SHISA6: variants seen among roughly 807,000 people sequenced by gnomAD.
The protein encoded by SHISA6 is shisa family member 6.
A neutral mutation model predicts 47.9 loss-of-function variants in SHISA6; 22 were observed. That is an observed-to-expected ratio of 0.46 (90% CI 0.33 to 0.66). The LOEUF (loss-of-function observed/expected upper bound fraction) is 0.66, where lower values mean the gene tolerates loss of function less well. Among genes scored for constraint, SHISA6 ranks in the 30% least tolerant of loss-of-function variants. The pLI, the probability that SHISA6 is intolerant of heterozygous loss-of-function variation, is 0.02. For missense variants in SHISA6, 680 were observed against 764.6 expected, an observed-to-expected ratio of 0.89 and a Z score of 1.30; for synonymous variants, 388 against 337.8, an observed-to-expected ratio of 1.15 and a Z score of -1.63.
intron 3 of SHISA6, among the ~76,000 whole-genome samples, chr17:11,492,246 G>T (rs893306603): frequency 1.3e-5 from 2 of 152,092 alleles, no homozygotes; most frequent in African/African-American, 4.8e-5. Flanking sequence ...GAGGGTACAG[G>T]CTCCAAAATA....
chr17:11,297,660 T>C (rs1467737419), intron 2 of SHISA6, among the ~76,000 whole-genome samples: 2 of 152,180 alleles, frequency 1.3e-5, no homozygotes, highest in African/African-American at 2.4e-5. Context: ...CAATACAGCC[T>C]TTGTTCTTAG....
intron 3 of SHISA6, among the ~76,000 whole-genome samples, chr17:11,420,352 C>G (rs1345635482): frequency 2.6e-5 from 4 of 152,132 alleles, no homozygotes; most frequent in Non-Finnish European, 5.9e-5. Context: ...AAAGCATTCC[C>G]ACATGGTTAT....
chr17:11,295,709 A>G (rs1909727838), intron 2 of SHISA6, among the ~76,000 whole-genome samples: 1 of 152,114 alleles, frequency 6.6e-6, no homozygotes, highest in Non-Finnish European at 1.5e-5. Flanking sequence ...CATGCCTGTA[A>G]TCCCAGCACT....
intron 1 of SHISA6, among the ~76,000 whole-genome samples, chr17:11,251,161 C>T (rs1907787511): frequency 6.6e-6 from 1 of 152,048 alleles, no homozygotes; most frequent in Admixed American, 6.5e-5. Context: ...GTCAGTGATA[C>T]TCAGATTACT....
chr17:11,301,675 AACGT>A (rs1293258658), intron 2 of SHISA6, among the ~76,000 whole-genome samples: 3 of 152,144 alleles, frequency 2.0e-5, no homozygotes, highest in Admixed American at 6.5e-5. Context: ...ATTTCCTATG[AACGT>A]TCCTGCAATC....
intron 3 of SHISA6, among the ~76,000 whole-genome samples, chr17:11,452,903 C>G (rs1915442307): frequency 1.3e-5 from 2 of 151,234 alleles, no homozygotes; most frequent in South Asian, 4.2e-4. Flanking sequence ...TCCTCCTCTA[C>G]TTTATCTTCT....
At chr17:11,440,073 A>G (rs577526857) in intron 3 of SHISA6, among the ~76,000 whole-genome samples, 30 of 152,306 alleles carry the variant, frequency 2.0e-4, no homozygotes, top group Non-Finnish European at 4.1e-4. Flanking sequence ...CAATTCATTC[A>G]TTCATTCACT....
At chr17:11,501,327 G>T (rs2071451326) in intron 3 of SHISA6, among the ~76,000 whole-genome samples, 1 of 152,050 alleles carries the variant, frequency 6.6e-6, no homozygotes. Context: ...GGTCAGGCTG[G>T]TCACGAACTC....
Position 11,379,449 on chromosome 17 carries a change from C to A in SHISA6, c.835C>A (p.Pro279Thr). 2 of 1,541,768 alleles carry A rather than the reference C, an allele frequency of 1.3e-6. No individual in the cohort carries two copies. Among genetic ancestry groups the A allele is most frequent in the Non-Finnish European group, 1.8e-6 (2 of 1,142,818 alleles). ...GAAGGATGCTTACCGAAGTGGAGGA[C>A]CTGATCTCCATAACTTCATCTCATC... ...YGKDAYRSGG[P>T]DLHNFISSGF... The change falls in exon 3 of 6, where the codon CCT (proline) becomes ACT (threonine). Residue 279 changes from proline (P) to threonine (T), a missense_variant. Transcript: ENST00000441885.
intron 3 of SHISA6, among the ~76,000 whole-genome samples, chr17:11,409,314 G>T (rs542994333): frequency 1.3e-5 from 2 of 152,232 alleles, no homozygotes; most frequent in South Asian, 4.2e-4. Flanking sequence ...CCAAAATTGG[G>T]GTATGGACTC....
intron 3 of SHISA6, among the ~76,000 whole-genome samples, chr17:11,388,243 C>T (rs1184597639): frequency 6.6e-6 from 1 of 152,224 alleles, no homozygotes; most frequent in African/African-American, 2.4e-5. Context: ...ACTCAGAAGG[C>T]GTCGAGTCTC....
intron 2 of SHISA6, 56 bp downstream of exon 2, chr17:11,263,582 A>G (rs1018006181): frequency 1.3e-6 from 2 of 1,542,816 alleles, no homozygotes; most frequent in Non-Finnish European, 1.8e-6. Context: ...AGGTTTCAGG[A>G]TGTTTCTGCT....
rs745946700 is a variant in SHISA6, at chr17:11,241,797, C to T, written c.375C>T (p.Tyr125=). 3 of 1,550,402 alleles carry T rather than the reference C, an allele frequency of 1.9e-6. No individual in the cohort carries two copies. In the South Asian group the frequency reaches 3.6e-5, roughly 18 times the overall value. Residue 125 remains tyrosine, a synonymous_variant, in exon 1 of 6, where the codon TAC becomes TAT. Transcript: ENST00000441885. This position sits in a 1 kb window ranked among gnomAD's most constrained non-coding sequence, Gnocchi z 5.5. ...ACCTGTACTGCTGCGGTACCTGCTA[C>T]TACCGCTTCTGCTGCAAGAAGCGCC... ...SGYLYCCGTC[Y]YRFCCKKRHE... is the part of the protein sequence containing the mutation.
At chr17:11,350,272 C>T (rs541861060) in intron 2 of SHISA6, among the ~76,000 whole-genome samples, 12 of 69,788 alleles carry the variant, frequency 1.7e-4, no homozygotes, top group South Asian at 1.0e-3. Flanking sequence ...CTCCGCCTCC[C>T]GGGTTCACGC....
At chr17:11,330,799 A>G (rs1021105708) in intron 2 of SHISA6, among the ~76,000 whole-genome samples, 1 of 101,108 alleles carries the variant, frequency 9.9e-6, no homozygotes, top group Admixed American at 9.1e-5. Context: ...TCAGATGAAT[A>G]AAATTAGGTT....
rs548147614 is a variant in SHISA6 at position 11,253,210 on chromosome 17, G to A, written c.639-10156G>A. On this transcript the variant is annotated intron_variant, in intron 1 of 5. Coordinates refer to ENST00000441885, the MANE Select transcript of SHISA6 (RefSeq NM_207386.4). ...GAGCTGTGTTCCTTCTCCCCTCTCT[G>A]TCCGACTTGCCTTCCTGAACTTGTC... Among the ~76,000 whole-genome samples, 5 of 151,930 alleles carry A rather than the reference G, an allele frequency of 3.3e-5. No homozygotes were observed. The South Asian group carries it at 6.2e-4, about 19-fold the overall frequency.
intron 3 of SHISA6, among the ~76,000 whole-genome samples, chr17:11,519,904 C>T (rs1458213530): frequency 6.6e-6 from 1 of 152,162 alleles, no homozygotes; most frequent in Non-Finnish European, 1.5e-5. Context: ...GTTTCCATGA[C>T]ATCGTGCTTT....
Position 11,375,007 on chromosome 17 carries a change from G to T in SHISA6, c.800-4407G>T, listed in dbSNP as rs1393027815. Among the ~76,000 whole-genome samples the T allele has an allele frequency of 3.3e-5, 5 of 152,044 alleles. No individual in the cohort carries two copies. In the East Asian group the frequency reaches 7.7e-4, roughly 23 times the overall value. On this transcript the variant is annotated intron_variant, in intron 2 of 5. Transcript: ENST00000441885. ...GTCCCACCTCTACAAAAATGAAGGG[G>T]TCAAAATTCTTAAAAACGTTGCTGC...
intron 3 of SHISA6, among the ~76,000 whole-genome samples, chr17:11,482,910 T>G (rs1417592815): frequency 6.6e-6 from 1 of 152,134 alleles, no homozygotes; most frequent in African/African-American, 2.4e-5. Context: ...TAACTACTTA[T>G]AGAGTTAAAT....
Sources: allele counts gnomAD v4.1 joint callset (sites outside exome capture counted in the v4.1 genomes callset), GRCh38; gene constraint gnomAD v4.1.1; non-coding constraint Gnocchi (gnomAD v3.1); transcripts MANE v1.5; gene names NCBI Gene and HGNC (gene_info 2026-07-23, HGNC 2026-07-21).